Variants in PDLIM5 observed in about 807,000 individuals in gnomAD.
PDLIM5 encodes the protein PDZ and LIM domain protein 5.
A neutral mutation model predicts 64.2 loss-of-function variants in PDLIM5; 34 were observed. The observed-to-expected ratio is 0.53, with a 90% CI of 0.40 to 0.71. The LOEUF is 0.71. Among genes scored for constraint, PDLIM5 ranks in the 30% least tolerant of loss-of-function variants. PDLIM5 has a pLI of 0.00. For missense variants in PDLIM5, 683 were observed against 733.6 expected (o/e 0.93, Z 0.80); for synonymous variants, 253 against 269.1 (o/e 0.94, Z 0.59).
chr4:94,526,339 G>T (rs951565526), intron 3 of PDLIM5, among the ~76,000 whole-genome samples: 3 of 152,144 alleles, frequency 2.0e-5, no homozygotes, highest in African/African-American at 7.2e-5. Context: ...CTTAAATACA[G>T]AATCTGACAA....
At chr4:94,491,990 C>G (rs1036649756) in intron 2 of PDLIM5, among the ~76,000 whole-genome samples, 1 of 151,888 alleles carries the variant, frequency 6.6e-6, no homozygotes. Context: ...GGTCTCAAAA[C>G]TTATTTCTCC....
At position 94,582,399 on chromosome 4, in the gene PDLIM5, A is replaced by G. The variant is rs569496088; in HGVS notation, c.711-3166A>G. 1.8e-4 allele frequency: 43 copies of G among 241,042 alleles called. No homozygotes were observed. In the South Asian group the frequency reaches 3.7e-3, roughly 20 times the overall value. The allele number at this position is 241,042 out of a possible 1,614,324, so 14.9% of individuals were successfully genotyped here. On this transcript the variant is annotated intron_variant, in intron 5 of 12. Transcript: ENST00000317968. ...AAATAGTGGATCTTTCAGTCACTTG[A>G]TACTTGAATTAGCATTAATACATAA... is the stretch of plus-strand genomic sequence containing the variant.
chr4:94,541,094 C>G (rs1731766982), intron 3 of PDLIM5, among the ~76,000 whole-genome samples: 1 of 152,142 alleles, frequency 6.6e-6, no homozygotes, highest in Non-Finnish European at 1.5e-5. Flanking sequence ...GGTGAGATCC[C>G]CAGCTTCCTG....
chr4:94,665,262 T>A lies in PDLIM5; in HGVS notation c.*1195T>A. The A allele has an allele frequency of 2.8e-6, 1 of 356,306 alleles. No individual in the cohort carries two copies. The highest frequency in any genetic ancestry group is 3.9e-6 in the Non-Finnish European group (1 of 254,392). The allele number at this position is 356,306 out of a possible 1,614,324, so 22.1% of individuals were successfully genotyped here. The stretch of plus-strand genomic sequence containing the variant: ...ACTTTGGGAGGCCAAGACGGGCGGA[T>A]CATGAGGTCAAGAGATCAAGATCAT... On this transcript the variant is annotated 3_prime_UTR_variant, in exon 13 of 13. Coordinates refer to ENST00000317968, the MANE Select transcript of PDLIM5 (RefSeq NM_006457.5).
rs200640873 is a variant in PDLIM5, at chr4:94,654,515, G to A, written c.1339G>A (p.Ala447Thr). The A allele has an allele frequency of 1.0e-3, 1,655 of 1,612,184 alleles. 33 individuals carry two copies. The South Asian group carries it at 0.017, about 16-fold the overall frequency. The change falls in exon 10 of 13, where the codon GCT becomes ACT. Residue 447 changes from alanine (A) to threonine (T), a missense_variant. Transcript: ENST00000317968. ...KSWHPEEFNCAHCKNTMAYIG... is the reference protein window; with the variant it reads ...KSWHPEEFNCTHCKNTMAYIG... ...TTGGCACCCAGAAGAATTCAACTGC[G>A]CTCACTGCAAAAATACAATGGCCTA...
At chr4:94,653,283 CT>C (rs1255974008) in intron 9 of PDLIM5, among the ~76,000 whole-genome samples, 2 of 152,114 alleles carry the variant, frequency 1.3e-5, no homozygotes, top group African/African-American at 2.4e-5. Flanking sequence ...GCTTCTCCAT[CT>C]GTTAAACTGA....
At chr4:94,641,656 T>C (rs780775499) in intron 9 of PDLIM5, among the ~76,000 whole-genome samples, 3 of 152,240 alleles carry the variant, frequency 2.0e-5, no homozygotes, top group Non-Finnish European at 2.9e-5. Context: ...AGGACAGATA[T>C]TATTTTACAA....
At chr4:94,621,099 G>T (rs1043241224) in intron 8 of PDLIM5, among the ~76,000 whole-genome samples, 1 of 127,792 alleles carries the variant, frequency 7.8e-6, no homozygotes, top group African/African-American at 2.8e-5. Flanking sequence ...AAAAAAAAAA[G>T]CTAGAAGTAT....
intron 9 of PDLIM5, among the ~76,000 whole-genome samples, chr4:94,644,395 A>G (rs1430159758): frequency 6.6e-6 from 1 of 152,224 alleles, no homozygotes; most frequent in African/African-American, 2.4e-5. Flanking sequence ...TGAATATGGC[A>G]AAAATGAAAT....
At chr4:94,570,498 T>C (rs938978377) in intron 3 of PDLIM5, among the ~76,000 whole-genome samples, 1 of 152,242 alleles carries the variant, frequency 6.6e-6, no homozygotes, top group Non-Finnish European at 1.5e-5. Context: ...ATAACTATTT[T>C]GTACTTTTGT....
At chr4:94,536,955 A>G (rs1215839638) in intron 3 of PDLIM5, among the ~76,000 whole-genome samples, 2 of 152,200 alleles carry the variant, frequency 1.3e-5, no homozygotes, top group East Asian at 3.8e-4. Context: ...TACACTGTCA[A>G]ATTCTTTTGT....
rs1237014405 is a variant in PDLIM5 at position 94,665,332 on chromosome 4, A to G, written c.*1265A>G. On this transcript the variant is annotated 3_prime_UTR_variant, in exon 13 of 13. Coordinates refer to ENST00000317968, the MANE Select transcript of PDLIM5 (RefSeq NM_006457.5). ...CCCTGTCTCTACTAAAAATACAAAA[A>G]TGAGCTGGGCATGGTGGGGCGTGCC... 1 of 239,142 alleles carries G rather than the reference A, an allele frequency of 4.2e-6. No homozygotes were observed. Among genetic ancestry groups the G allele is most frequent in the African/African-American group, 2.3e-5 (1 of 42,896 alleles). The allele number at this position is 239,142 out of a possible 1,614,324, so 14.8% of individuals were successfully genotyped here. A position where few individuals can be genotyped will look rare whatever the true frequency, so the allele number is the denominator to read the frequency against.
chr4:94,568,099 G>T (rs1400825741), intron 3 of PDLIM5, among the ~76,000 whole-genome samples: 1 of 152,208 alleles, frequency 6.6e-6, no homozygotes, highest in Non-Finnish European at 1.5e-5. Context: ...ACCAAAAGAG[G>T]CATGGTCATG....
intron 9 of PDLIM5, among the ~76,000 whole-genome samples, chr4:94,652,498 T>C (rs1054479434): frequency 6.6e-6 from 1 of 152,168 alleles, no homozygotes; most frequent in Non-Finnish European, 1.5e-5. Context: ...TGATTCCTGG[T>C]TTATCTTTGC....
At chr4:94,490,587 A>G (rs965976706) in intron 2 of PDLIM5, among the ~76,000 whole-genome samples, 3 of 152,144 alleles carry the variant, frequency 2.0e-5, no homozygotes, top group Admixed American at 6.5e-5. Context: ...ACTTTTCTTT[A>G]GTTTCTTATT....
chr4:94,632,144 A>G (rs1740206321), intron 8 of PDLIM5, among the ~76,000 whole-genome samples: 1 of 152,254 alleles, frequency 6.6e-6, no homozygotes, highest in African/African-American at 2.4e-5. Flanking sequence ...CCACTATAAT[A>G]TAATTGACTG....
intron 9 of PDLIM5, among the ~76,000 whole-genome samples, chr4:94,644,479 C>T (rs1741243461): frequency 6.6e-6 from 1 of 150,590 alleles, no homozygotes; most frequent in South Asian, 2.1e-4. Context: ...AGCCTGATAA[C>T]AATAAAAATA....
intron 2 of PDLIM5, among the ~76,000 whole-genome samples, chr4:94,472,839 A>T (rs1420014275): frequency 6.6e-6 from 1 of 152,188 alleles, no homozygotes; most frequent in Non-Finnish European, 1.5e-5. Context: ...CCATTGATTT[A>T]TTTACTCATT....
At chr4:94,606,605 C>T (rs1449249746) in intron 7 of PDLIM5, among the ~76,000 whole-genome samples, 1 of 152,188 alleles carries the variant, frequency 6.6e-6, no homozygotes, top group Non-Finnish European at 1.5e-5. Context: ...AGCCCAAGAT[C>T]ACCTAGAGCA....
Sources: allele counts gnomAD v4.1 joint callset (sites outside exome capture counted in the v4.1 genomes callset), GRCh38; gene constraint gnomAD v4.1.1; transcripts MANE v1.5; gene names NCBI Gene and HGNC (gene_info 2026-07-23, HGNC 2026-07-21).